Variants in TSHZ3 observed in about 807,000 individuals in gnomAD.
The protein encoded by TSHZ3 is teashirt zinc finger homeobox 3.
In TSHZ3, 10 loss-of-function variants were observed where a neutral mutation model predicts 64.5. The ratio of observed to expected loss-of-function variants is 0.16; its 90% CI spans 0.10 to 0.26. The LOEUF is 0.26. Ranked by LOEUF, TSHZ3 falls within the 10% of genes least tolerant of loss-of-function variation. TSHZ3 has a pLI of 1.00. For synonymous variants in TSHZ3, 608 were observed against 593.1 expected, an observed-to-expected ratio of 1.03 and a Z score of -0.36; for missense variants, 1,242 against 1,421.7, an observed-to-expected ratio of 0.87 and a Z score of 2.03.
chr19:31,323,769 A>G (rs1220603722), intron 1 of TSHZ3, among the ~76,000 whole-genome samples: 2 of 151,450 alleles, frequency 1.3e-5, no homozygotes, highest in African/African-American at 4.9e-5. Flanking sequence ...CCCATCCACA[A>G]TCACCTTCCC....
intron 1 of TSHZ3, among the ~76,000 whole-genome samples, chr19:31,265,874 G>A (rs1239327915): frequency 6.6e-6 from 1 of 152,224 alleles, no homozygotes. Context: ...TGGAGGGGCA[G>A]GTTCCTGGTG....
At chr19:31,156,387 C>T (rs1224974500) in exon 6 of TSHZ3, among the ~76,000 whole-genome samples, 1 of 152,126 alleles carries the variant, frequency 6.6e-6, no homozygotes, top group Non-Finnish European at 1.5e-5. Context: ...TAGGTCTTCC[C>T]GATTCCGATG....
chr19:31,297,297 T>C (rs1269331834), intron 1 of TSHZ3, among the ~76,000 whole-genome samples: 1 of 152,112 alleles, frequency 6.6e-6, no homozygotes, highest in Non-Finnish European at 1.5e-5. Flanking sequence ...GGGGTAGGCG[T>C]CTGTGTGGCA....
At chr19:31,186,219 T>C (rs1413641541) in intron 5 of TSHZ3, among the ~76,000 whole-genome samples, 1 of 151,990 alleles carries the variant, frequency 6.6e-6, no homozygotes, top group Non-Finnish European at 1.5e-5. Flanking sequence ...GGGTAAAGAG[T>C]ATATTTAATT....
intron 1 of TSHZ3, chr19:31,305,524 C>A (rs1916267763): frequency 6.6e-6 from 1 of 152,200 alleles, no homozygotes; most frequent in Admixed American, 6.5e-5. Context: ...CCGGCTCCCT[C>A]TGAGTGAGAT....
chr19:31,161,378 A>G (rs114585906), intron 5 of TSHZ3, among the ~76,000 whole-genome samples: 1,594 of 152,314 alleles, frequency 0.01, 33 homozygotes, highest in African/African-American at 0.036. Context: ...CATATTTTAG[A>G]CAAATAAATA....
intron 4 of TSHZ3, among the ~76,000 whole-genome samples, chr19:31,210,117 A>G (rs1436210894): frequency 6.6e-6 from 1 of 152,110 alleles, no homozygotes; most frequent in African/African-American, 2.4e-5. Context: ...ACTTCTGGGA[A>G]GATGTACTTG....
chr19:31,285,767 G>T (rs1287909440), intron 1 of TSHZ3, among the ~76,000 whole-genome samples: 1 of 106,962 alleles, frequency 9.3e-6, no homozygotes, highest in African/African-American at 3.7e-5. Flanking sequence ...GGGCAGCAGA[G>T]CAAGCCACTG....
At chr19:31,229,366 A>G (rs1473208236) in intron 3 of TSHZ3, among the ~76,000 whole-genome samples, 1 of 152,216 alleles carries the variant, frequency 6.6e-6, no homozygotes, top group Non-Finnish European at 1.5e-5. Context: ...AGGTAGAAAG[A>G]ACATTAAGAA....
chr19:31,183,867 T>C (rs927281971), intron 5 of TSHZ3, among the ~76,000 whole-genome samples: 1 of 152,170 alleles, frequency 6.6e-6, no homozygotes, highest in African/African-American at 2.4e-5. Flanking sequence ...CATATATTAG[T>C]GCCGAACAGT....
At chr19:31,347,112 C>T (rs2021541202) in intron 1 of TSHZ3, among the ~76,000 whole-genome samples, 1 of 151,512 alleles carries the variant, frequency 6.6e-6, no homozygotes, top group South Asian at 2.1e-4. Flanking sequence ...ATTCTTCCAT[C>T]TCCTATTAGT....
At chr19:31,199,400 C>CAAAAAAA (rs61428496) in intron 5 of TSHZ3, among the ~76,000 whole-genome samples, 4 of 98,580 alleles carry the variant, frequency 4.1e-5, no homozygotes, top group Non-Finnish European at 4.0e-5. Flanking sequence ...GAGACTCCGC[C>CAAAAAAA]AAAAAAAAAA....
chr19:31,210,552 A>G lies in TSHZ3; in HGVS notation n.687-5474T>C, dbSNP rs541702403. On this transcript the variant is annotated intron_variant and non_coding_transcript_variant, in intron 4 of 6. Coordinates refer to the TSHZ3 transcript ENST00000651361. ...CCCAGCCATGCCTGGAACACGTTTC[A>G]TGAGTGTCTAGGGGTTAACACTTCA... is the stretch of plus-strand genomic sequence containing the variant. Among the ~76,000 whole-genome samples, 12 of 152,284 alleles carry G rather than the reference A, an allele frequency of 7.9e-5. 1 individual carries two copies. Among genetic ancestry groups the G allele is most frequent in the African/African-American group, 2.6e-4 (11 of 41,564 alleles).
At chr19:31,247,963 T>A (rs1422327070) in intron 1 of TSHZ3, among the ~76,000 whole-genome samples, 2 of 152,156 alleles carry the variant, frequency 1.3e-5, no homozygotes, top group African/African-American at 4.8e-5. Context: ...TTTAATGAAC[T>A]CACAGTTCCA....
Position 31,278,540 on chromosome 19 carries a change from G to C in TSHZ3, c.1253C>G (p.Ala418Gly). The change falls in exon 2 of 2, where the codon GCT (alanine) becomes GGT (glycine). Residue 418 changes from alanine to glycine, a missense_variant. Coordinates refer to ENST00000240587, the MANE Select transcript of TSHZ3 (RefSeq NM_020856.4). This position sits in a 1 kb window ranked among gnomAD's most constrained non-coding sequence, Gnocchi z 4.7. ...TGHFIKVTNS[A>G]MKKGKPIVET... ...CACAATGGGCTTCCCCTTTTTCATA[G>C]CAGAGTTGGTGACCTTGATGAAGTG... is the stretch of plus-strand genomic sequence containing the variant. 6.2e-7 allele frequency: 1 copy of C among 1,614,130 alleles called. No individual in the cohort carries two copies. The highest frequency in any genetic ancestry group is 8.5e-7 in the Non-Finnish European group (1 of 1,180,028).
Position 31,215,803 on chromosome 19 carries a change from G to A in TSHZ3, n.687-10725C>T, listed in dbSNP as rs960175359. Among the ~76,000 whole-genome samples, 9 of 152,150 alleles carry A rather than the reference G, an allele frequency of 5.9e-5. No individual in the cohort carries two copies. The East Asian group carries it at 1.2e-3, about 20-fold the overall frequency. On this transcript the variant is annotated intron_variant and non_coding_transcript_variant, in intron 4 of 6. Transcript: ENST00000651361. ...GGAGAATCACTTGAACCCGGGAGGCGGAGCTTGCAGTGAGCCGAGATCGTG... is the reference window on the plus strand; with the variant it reads ...GGAGAATCACTTGAACCCGGGAGGCAGAGCTTGCAGTGAGCCGAGATCGTG...
chr19:31,272,925 G>A (rs1479277217), downstream of TSHZ3, among the ~76,000 whole-genome samples: 3 of 152,088 alleles, frequency 2.0e-5, no homozygotes, highest in Non-Finnish European at 4.4e-5. Context: ...CCATTTAAAG[G>A]CCTGACTTGG....
In TSHZ3 at chr19:31,247,596, C is replaced by T. The variant is rs564860191; in HGVS notation, n.64-4721G>A. The stretch of plus-strand genomic sequence containing the variant: ...AGAGATGAGCACCGAAGGCAACTCA[C>T]GATCTGTGATTTCCTTCCACCACTA... On this transcript the variant is annotated intron_variant and non_coding_transcript_variant, in intron 1 of 6. Coordinates refer to the TSHZ3 transcript ENST00000651361. Among the ~76,000 whole-genome samples the T allele has an allele frequency of 1.2e-3, 184 of 152,276 alleles. 1 individual carries two copies. Among genetic ancestry groups the T allele is most frequent in the African/African-American group, 4.2e-3 (174 of 41,562 alleles).
intron 1 of TSHZ3, among the ~76,000 whole-genome samples, chr19:31,309,919 C>T (rs940683259): frequency 6.6e-6 from 1 of 152,158 alleles, no homozygotes; most frequent in Non-Finnish European, 1.5e-5. Context: ...CACTCCAACC[C>T]CCTTGAGGAC....
Sources: allele counts gnomAD v4.1 joint callset (sites outside exome capture counted in the v4.1 genomes callset), GRCh38; gene constraint gnomAD v4.1.1; non-coding constraint Gnocchi (gnomAD v3.1); transcripts MANE v1.5; gene names NCBI Gene and HGNC (gene_info 2026-07-23, HGNC 2026-07-21).